Variants in TGFB2 observed in about 807,000 individuals in gnomAD.
The protein encoded by TGFB2 is transforming growth factor beta-2 proprotein.
TGFB2 carries 13 observed loss-of-function variants against 42.7 expected under a neutral mutation model. The ratio of observed to expected loss-of-function variants is 0.30; its 90% CI spans 0.20 to 0.48. The LOEUF (loss-of-function observed/expected upper bound fraction) is 0.48, where lower values mean the gene tolerates loss of function less well. Ranked by LOEUF, TGFB2 falls within the 20% of genes least tolerant of loss-of-function variation. The pLI is 0.99. For missense variants in TGFB2, 390 were observed against 517.5 expected, an observed-to-expected ratio of 0.75 and a Z score of 2.39; for synonymous variants, 193 against 193.6, an observed-to-expected ratio of 1.00 and a Z score of 0.03.
chr1:218,405,123 CA>C (rs1207025391), intron 1 of TGFB2, 45 bp from the exon 2 acceptor site: 1 of 1,534,880 alleles, frequency 6.5e-7, no homozygotes, highest in Non-Finnish European at 8.8e-7. Context: ...TCTCTGAAAG[CA>C]CAATGGATTT....
intron 5 of TGFB2, 112 bp downstream of exon 5, chr1:218,436,259 T>G (rs571211165): frequency 3.8e-6 from 4 of 1,049,400 alleles, no homozygotes; most frequent in African/African-American, 3.2e-5. Context: ...TAAGGCCAGA[T>G]AGAGTGCAGT....
At chr1:218,423,033 A>G (rs888485768) in intron 2 of TGFB2, among the ~76,000 whole-genome samples, 1 of 152,224 alleles carries the variant, frequency 6.6e-6, no homozygotes, top group Non-Finnish European at 1.5e-5. Flanking sequence ...TCCAAAGCCA[A>G]TGAAAGCCTT....
chr1:218,387,111 A>G (rs1658162533), intron 1 of TGFB2, among the ~76,000 whole-genome samples: 1 of 152,126 alleles, frequency 6.6e-6, no homozygotes, highest in African/African-American at 2.4e-5. Flanking sequence ...GATGAATAGA[A>G]TTTGCCAAAT....
At chr1:218,348,591 C>A (rs191624470) in intron 1 of TGFB2, among the ~76,000 whole-genome samples, 3 of 152,302 alleles carry the variant, frequency 2.0e-5, no homozygotes, top group Non-Finnish European at 2.9e-5. Flanking sequence ...TGGCACTATC[C>A]GCAACAGCGG....
intron 2 of TGFB2, among the ~76,000 whole-genome samples, chr1:218,409,413 G>T (rs1659022298): frequency 6.6e-6 from 1 of 152,138 alleles, no homozygotes; most frequent in East Asian, 1.9e-4. Context: ...TCTGACTTTT[G>T]CTTCTGGCCT....
At chr1:218,436,173 G>A (rs754962774) in intron 5 of TGFB2, 26 bp downstream of exon 5, 5 of 1,602,368 alleles carry the variant, frequency 3.1e-6, no homozygotes, top group Non-Finnish European at 4.3e-6. Context: ...GTAAAACCAA[G>A]TAATTGCATC....
intron 1 of TGFB2, among the ~76,000 whole-genome samples, chr1:218,363,941 G>GA (rs1657300415): frequency 2.0e-5 from 3 of 152,300 alleles, no homozygotes; most frequent in African/African-American, 7.2e-5. Context: ...GGATGGCCTT[G>GA]AATGCGGCCC....
chr1:218,379,129 TC>T (rs138260803), intron 1 of TGFB2, among the ~76,000 whole-genome samples: 9 of 148,498 alleles, frequency 6.1e-5, no homozygotes, highest in African/African-American at 1.3e-4. Flanking sequence ...TTTCTTTCTT[TC>T]TTTTTTTTTT....
intron 1 of TGFB2, among the ~76,000 whole-genome samples, chr1:218,351,982 C>T (rs1393089688): frequency 6.6e-6 from 1 of 152,150 alleles, no homozygotes; most frequent in Non-Finnish European, 1.5e-5. Context: ...GAGATTACAA[C>T]ACACTTTAGG....
At chr1:218,356,260 C>T (rs1241189645) in intron 1 of TGFB2, among the ~76,000 whole-genome samples, 1 of 151,920 alleles carries the variant, frequency 6.6e-6, no homozygotes, top group Non-Finnish European at 1.5e-5. Context: ...CTCTGTTGCC[C>T]AGGCTGGAGT....
chr1:218,360,608 T>C (rs1054542072), intron 1 of TGFB2, among the ~76,000 whole-genome samples: 4 of 152,148 alleles, frequency 2.6e-5, no homozygotes, highest in African/African-American at 9.7e-5. Context: ...CAAACCACCA[T>C]GGCACACGTT....
Position 218,377,063 on chromosome 1 carries a change from TA to T in TGFB2, c.347-28095del, listed in dbSNP as rs569831585. 6.8e-3 allele frequency among the ~76,000 whole-genome samples: 1,024 copies of T among 149,948 alleles called. 18 individuals carry two copies. Among genetic ancestry groups the T allele is most frequent in the African/African-American group, 0.021 (863 of 41,026 alleles). On this transcript the variant is annotated intron_variant, in intron 1 of 6. Transcript: ENST00000366930. ...ATGATGCCACCACACCTGGCTAATT[TA>T]AAAAAAAAAATTTTTATAGAGATGA...
intron 1 of TGFB2, among the ~76,000 whole-genome samples, chr1:218,350,901 G>C (rs1656848623): frequency 6.6e-6 from 1 of 152,184 alleles, no homozygotes; most frequent in African/African-American, 2.4e-5. Context: ...CTCCAAGCTA[G>C]GCAATGGAAG....
intron 1 of TGFB2, among the ~76,000 whole-genome samples, chr1:218,379,126 C>CTTTTTTTTTTTTTTTTTTTTTTTT (rs748882381): frequency 1.4e-5 from 2 of 143,736 alleles, no homozygotes; most frequent in African/African-American, 2.6e-5. Flanking sequence ...TTCTTTCTTT[C>CTTTTTTTTTTTTTTTTTTTTTTTT]TTTCTTTTTT....
chr1:218,397,326 G>A (rs1334935653), intron 1 of TGFB2, among the ~76,000 whole-genome samples: 3 of 151,782 alleles, frequency 2.0e-5, no homozygotes, highest in South Asian at 2.1e-4. Flanking sequence ...CACTTTGGGA[G>A]GCTAAGGCAG....
At chr1:218,418,865 C>T (rs1156884023) in intron 2 of TGFB2, among the ~76,000 whole-genome samples, 1 of 152,164 alleles carries the variant, frequency 6.6e-6, no homozygotes, top group African/African-American at 2.4e-5. Context: ...TGACTTTCTC[C>T]TCCTTGCCTT....
At chr1:218,405,073 T>C (rs1440543830) in intron 1 of TGFB2, 96 bp from the exon 2 acceptor site, 2 of 1,357,858 alleles carry the variant, frequency 1.5e-6, no homozygotes, top group Non-Finnish European at 2.0e-6. Context: ...CTGTAGATAT[T>C]TCCCTTATGG....
chr1:218,379,282 G>A (rs899208370), intron 1 of TGFB2, among the ~76,000 whole-genome samples: 20 of 151,610 alleles, frequency 1.3e-4, no homozygotes, highest in South Asian at 2.1e-4. Context: ...ACAGGCGCCC[G>A]CCACCACACC....
chr1:218,383,319 G>T (rs1488607287), intron 1 of TGFB2, among the ~76,000 whole-genome samples: 1 of 152,196 alleles, frequency 6.6e-6, no homozygotes, highest in African/African-American at 2.4e-5. Context: ...ACAGGAATTT[G>T]CAAGTGACCT....
Sources: gnomAD v4.1 joint callset for allele counts (sites outside exome capture counted in the v4.1 genomes callset) on GRCh38, gnomAD v4.1.1 for gene constraint, MANE v1.5 for transcripts, NCBI Gene and HGNC (gene_info 2026-07-23, HGNC 2026-07-21) for gene names.